The following XKR4 variants were observed in gnomAD, a reference collection of about 807,000 sequenced individuals.
XKR4 encodes the protein XK related 4.
Under a neutral mutation model 53.9 loss-of-function variants are expected in XKR4, and 12 were observed. The observed-to-expected ratio is 0.22, with a 90% confidence interval of 0.14 to 0.36. The LOEUF (loss-of-function observed/expected upper bound fraction) is 0.36, where lower values mean the gene tolerates loss of function less well. XKR4 is among the 10% of genes least tolerant of loss of function. XKR4 has a pLI of 1.00. For missense variants in XKR4, 799 were observed against 859.5 expected (o/e 0.93, Z 0.88); for synonymous variants, 354 against 362.4 (o/e 0.98, Z 0.26).
chr8:55,406,950 A>G (rs1804693114), intron 2 of XKR4, among the ~76,000 whole-genome samples: 1 of 152,188 alleles, frequency 6.6e-6, no homozygotes, highest in Non-Finnish European at 1.5e-5. Flanking sequence ...ACTATCCAAT[A>G]CCTTATAGGG....
At chr8:55,421,913 T>C (rs376821138) in intron 2 of XKR4, among the ~76,000 whole-genome samples, 1 of 152,230 alleles carries the variant, frequency 6.6e-6, no homozygotes, top group South Asian at 2.1e-4. Flanking sequence ...GCCCCACCTT[T>C]GTCTTCGCTA....
At position 55,420,983 on chromosome 8, in the gene XKR4, G is replaced by A. The variant is rs1585565170; in HGVS notation, c.1006+63106G>A. On this transcript the variant is annotated intron_variant, in intron 2 of 2. Coordinates refer to ENST00000327381, the MANE Select transcript of XKR4 (RefSeq NM_052898.2). ...AAAAATGTAAGGCAGTGGTAAATAG[G>A]TTTCTGGAATAACCTAGCAAGTGCT... Among the ~76,000 whole-genome samples, 4 of 152,208 alleles carry A rather than the reference G, an allele frequency of 2.6e-5. No homozygotes were observed. In the South Asian group the frequency reaches 6.2e-4, roughly 24 times the overall value.
At chr8:55,371,362 C>G (rs947285995) in intron 2 of XKR4, among the ~76,000 whole-genome samples, 6 of 151,984 alleles carry the variant, frequency 3.9e-5, no homozygotes, top group Admixed American at 3.9e-4. Context: ...ATTGGCAGCA[C>G]GTAATTAGAT....
chr8:55,290,830 GA>G (rs969975677), intron 1 of XKR4, among the ~76,000 whole-genome samples: 8 of 151,976 alleles, frequency 5.3e-5, no homozygotes, highest in African/African-American at 1.9e-4. Flanking sequence ...CAGACTGTGG[GA>G]AAAACAGACT....
At chr8:55,441,978 T>C (rs1805275709) in intron 2 of XKR4, among the ~76,000 whole-genome samples, 1 of 150,452 alleles carries the variant, frequency 6.6e-6, no homozygotes, top group Non-Finnish European at 1.5e-5. Context: ...CCAAAGAAAA[T>C]AGAAAAAAAT....
intron 2 of XKR4, among the ~76,000 whole-genome samples, chr8:55,391,631 A>G (rs1417045226): frequency 6.6e-6 from 1 of 152,210 alleles, no homozygotes; most frequent in African/African-American, 2.4e-5. Context: ...ACAAAAGAAT[A>G]GGAAGTAGGA....
chr8:55,368,752 A>C (rs1804029177), intron 2 of XKR4, among the ~76,000 whole-genome samples: 1 of 152,206 alleles, frequency 6.6e-6, no homozygotes, highest in African/African-American at 2.4e-5. Flanking sequence ...AGGCACTCAA[A>C]AGTCCTCTGA....
chr8:55,311,847 A>G (rs201969087), intron 1 of XKR4, among the ~76,000 whole-genome samples: 267 of 135,032 alleles, frequency 2.0e-3, no homozygotes, highest in Non-Finnish European at 3.6e-3. Flanking sequence ...AAAAAAAAAA[A>G]AAAAGAAAAG....
intron 2 of XKR4, among the ~76,000 whole-genome samples, chr8:55,472,162 T>A (rs1364552175): frequency 6.6e-6 from 1 of 152,076 alleles, no homozygotes; most frequent in Non-Finnish European, 1.5e-5. Context: ...CAGGAGAAAG[T>A]TCTGGGATAA....
chr8:55,481,347 A>T (rs1806103734), intron 2 of XKR4, among the ~76,000 whole-genome samples: 1 of 152,054 alleles, frequency 6.6e-6, no homozygotes. Flanking sequence ...AGCCATATGT[A>T]GAAAGCTGAA....
At chr8:55,302,302 T>C (rs1404525130) in intron 1 of XKR4, among the ~76,000 whole-genome samples, 1 of 152,186 alleles carries the variant, frequency 6.6e-6, no homozygotes, top group Non-Finnish European at 1.5e-5. Flanking sequence ...GATCAGATGG[T>C]TGTAGATATG....
At chr8:55,116,392 G>T (rs993804720) in intron 1 of XKR4, among the ~76,000 whole-genome samples, 1 of 152,118 alleles carries the variant, frequency 6.6e-6, no homozygotes, top group Admixed American at 6.6e-5. Context: ...CCTGCTCCCT[G>T]CACTTCCCCT....
chr8:55,503,017 G>A (rs1021868032), intron 2 of XKR4, among the ~76,000 whole-genome samples: 2 of 152,052 alleles, frequency 1.3e-5, no homozygotes, highest in African/African-American at 4.8e-5. Context: ...CATCTATGTG[G>A]GGGTATATTT....
intron 2 of XKR4, among the ~76,000 whole-genome samples, chr8:55,400,872 G>A (rs1804589753): frequency 6.6e-6 from 1 of 152,166 alleles, no homozygotes; most frequent in African/African-American, 2.4e-5. Flanking sequence ...CTCTCTCCAG[G>A]AAGACTACTG....
chr8:55,418,048 G>A (rs963633231), intron 2 of XKR4, among the ~76,000 whole-genome samples: 1 of 152,230 alleles, frequency 6.6e-6, no homozygotes, highest in African/African-American at 2.4e-5. Context: ...GAGGGTGGAG[G>A]AGGCAGGACA....
chr8:55,504,475 A>T (rs1197084805), intron 2 of XKR4, among the ~76,000 whole-genome samples: 1 of 151,902 alleles, frequency 6.6e-6, no homozygotes, highest in Non-Finnish European at 1.5e-5. Context: ...TCAGCCTCCC[A>T]AAGTGTTGGG....
chr8:55,507,660 C>A (rs540825552), intron 2 of XKR4, among the ~76,000 whole-genome samples: 3 of 152,120 alleles, frequency 2.0e-5, no homozygotes, highest in Non-Finnish European at 4.4e-5. Flanking sequence ...CATCCATGTC[C>A]CTGCAAAGGA....
intron 1 of XKR4, among the ~76,000 whole-genome samples, chr8:55,299,300 A>G (rs775060932): frequency 1.3e-5 from 2 of 152,182 alleles, no homozygotes; most frequent in Non-Finnish European, 2.9e-5. Flanking sequence ...CAAGGCTGAG[A>G]GAACAAGAGG....
intron 2 of XKR4, among the ~76,000 whole-genome samples, chr8:55,446,321 C>A (rs117488223): frequency 6.6e-6 from 1 of 151,982 alleles, no homozygotes; most frequent in African/African-American, 2.4e-5. Flanking sequence ...CGCTGGGAGA[C>A]GAATCAAAAA....
Sources: gnomAD v4.1 joint callset for allele counts (sites outside exome capture counted in the v4.1 genomes callset) on GRCh38, gnomAD v4.1.1 for gene constraint, MANE v1.5 for transcripts, NCBI Gene and HGNC (gene_info 2026-07-23, HGNC 2026-07-21) for gene names.